Variants in BLNK observed in about 807,000 individuals in gnomAD.
The protein encoded by BLNK is B-cell linker protein.
Under a neutral mutation model 73.5 loss-of-function variants are expected in BLNK, and 29 were observed. The observed-to-expected ratio is 0.39, with a 90% CI of 0.29 to 0.54. BLNK has a LOEUF of 0.54. Among genes scored for constraint, BLNK ranks in the 20% least tolerant of loss-of-function variants. The pLI is 0.61. For missense variants in BLNK, 460 were observed against 562.8 expected, an observed-to-expected ratio of 0.82 and a Z score of 1.85; for synonymous variants, 176 against 200.8, an observed-to-expected ratio of 0.88 and a Z score of 1.04.
At chr10:96,249,709 G>C (rs11188679) in intron 1 of BLNK, among the ~76,000 whole-genome samples, 115,543 of 152,164 alleles carry the variant, frequency 0.76, 45,734 homozygotes, top group Non-Finnish European at 0.88. Context: ...GATGGCAGGG[G>C]GTGGTAGCCC....
At chr10:96,224,247 G>A (rs1554901938) in intron 5 of BLNK, among the ~76,000 whole-genome samples, 1 of 152,204 alleles carries the variant, frequency 6.6e-6, no homozygotes, top group African/African-American at 2.4e-5. Flanking sequence ...CAGAGGTTCA[G>A]GAGAACCAAC....
chr10:96,269,258 G>C (rs1228606842), intron 1 of BLNK, among the ~76,000 whole-genome samples: 1 of 152,136 alleles, frequency 6.6e-6, no homozygotes, highest in African/African-American at 2.4e-5. Context: ...ATCTATGGTT[G>C]TATATTGCCC....
intron 1 of BLNK, among the ~76,000 whole-genome samples, chr10:96,250,048 G>A (rs1350876775): frequency 1.3e-5 from 2 of 152,192 alleles, no homozygotes; most frequent in Admixed American, 1.3e-4. Context: ...CAGGGGTCTG[G>A]TGCCAAGTCA....
At position 96,215,411 on chromosome 10, in the gene BLNK, G is replaced by GTATATA. The variant is rs3835127; in HGVS notation, c.608-28_608-23dup. ...GGAGCTTAAACACAGAAATGTGTGT[G>GTATATA]TATATATATATATATATATACATAA... On this transcript the variant is annotated intron_variant, in intron 7 of 16. Coordinates refer to ENST00000224337, the MANE Select transcript of BLNK (RefSeq NM_013314.4). 3.8e-5 allele frequency: 53 copies of GTATATA among 1,402,484 alleles called. No individual in the cohort carries two copies. The African/African-American group carries it at 6.4e-4, about 17-fold the overall frequency. 86.9% of individuals were successfully genotyped at this position (1,402,484 alleles called of 1,614,324 possible).
chr10:96,251,941 G>A (rs563725109), intron 1 of BLNK, among the ~76,000 whole-genome samples: 1 of 152,106 alleles, frequency 6.6e-6, no homozygotes, highest in Non-Finnish European at 1.5e-5. Context: ...TTTAGAATCC[G>A]ATAGATCTCA....
rs2083338979 is a variant in BLNK at position 96,192,029 on chromosome 10, T to C, written c.1315A>G (p.Ser439Gly). Residue 439 changes from serine (S) to glycine (G), a missense_variant, in exon 17 of 17, where the codon AGT (serine) becomes GGT (glycine). By Grantham distance (56) the Ser-to-Gly change is moderately conservative (BLOSUM62 0). This residue lies in a region of BLNK where 88 missense variants were observed against 143.4 expected (regional missense o/e 0.61). Transcript: ENST00000224337. ...GTGGAATCTTTTGTGTTATTCTGAC[T>C]GTCAATAAGAACCAAAGGACTATGT... ...HQHSPLVLID[S>G]QNNTKDSTRL... 1.9e-6 allele frequency: 3 copies of C among 1,613,808 alleles called. No homozygotes were observed. The highest frequency in any genetic ancestry group is 2.5e-6 in the Non-Finnish European group (3 of 1,179,800).
intron 10 of BLNK, 139 bp from the exon 11 acceptor site, chr10:96,207,192 A>G: frequency 1.3e-6 from 1 of 795,110 alleles, no homozygotes; most frequent in Admixed American, 2.2e-5. Flanking sequence ...AACAACAATT[A>G]CAAACCCACA....
chr10:96,229,375 A>G (rs1554903514), intron 4 of BLNK, among the ~76,000 whole-genome samples: 1 of 152,142 alleles, frequency 6.6e-6, no homozygotes, highest in Non-Finnish European at 1.5e-5. Flanking sequence ...GAAATTCTGG[A>G]GGCTTTATTA....
At chr10:96,227,631 A>T in intron 4 of BLNK, 65 bp from the exon 5 acceptor site, 1 of 1,608,772 alleles carries the variant, frequency 6.2e-7, no homozygotes, top group Non-Finnish European at 8.5e-7. Flanking sequence ...CGTCAGGACC[A>T]TTCCTGCCTT....
chr10:96,239,519 G>A (rs1047830218), intron 3 of BLNK, among the ~76,000 whole-genome samples: 4 of 152,190 alleles, frequency 2.6e-5, no homozygotes, highest in Non-Finnish European at 5.9e-5. Flanking sequence ...CAATTTTCTG[G>A]TGGAAGTTGA....
At chr10:96,217,752 T>C (rs1006706191) in intron 6 of BLNK, among the ~76,000 whole-genome samples, 1 of 152,232 alleles carries the variant, frequency 6.6e-6, no homozygotes, top group African/African-American at 2.4e-5. Context: ...ATTCTGTAGG[T>C]TACTTTTTTA....
Position 96,230,123 on chromosome 10 carries a change from GT to G in BLNK, c.204+670del, listed in dbSNP as rs138056232. 6.1e-3 allele frequency among the ~76,000 whole-genome samples: 932 copies of G among 152,290 alleles called. 11 individuals carry two copies. Among genetic ancestry groups the G allele is most frequent in the African/African-American group, 0.021 (869 of 41,568 alleles). The stretch of plus-strand genomic sequence containing the variant: ...TGAGGAATAATTATTGTGAAGAAAA[GT>G]TTTTAGGATGTCAGGCCTTGCACAT... On this transcript the variant is annotated intron_variant, in intron 4 of 16. Coordinates refer to ENST00000224337, the MANE Select transcript of BLNK (RefSeq NM_013314.4).
At chr10:96,244,677 C>G (rs781853648) in intron 2 of BLNK, among the ~76,000 whole-genome samples, 1 of 152,124 alleles carries the variant, frequency 6.6e-6, no homozygotes, top group African/African-American at 2.4e-5. Context: ...TGACGTCACC[C>G]GGGGTAATGA....
chr10:96,201,004 G>A lies in BLNK; in HGVS notation c.989C>T (p.Ser330Phe), dbSNP rs1412711023. 2 of 1,614,018 alleles carry A rather than the reference G, an allele frequency of 1.2e-6. No individual in the cohort carries two copies. The highest frequency in any genetic ancestry group is 1.7e-5 in the Admixed American group (1 of 60,012). The change falls in exon 14 of 17, where the codon TCT becomes TTT. Residue 330 changes from serine to phenylalanine, a missense_variant. Ser to Phe is a radical substitution (Grantham distance 155, BLOSUM62 -2). Around this residue, in one of 3 missense-constraint regions of BLNK, gnomAD observed 233 missense variants for 232.1 expected, o/e 1.00. Coordinates refer to ENST00000224337, the MANE Select transcript of BLNK (RefSeq NM_013314.4). ...TVDGPLPSFS[S>F]NSTISEQEAG... ...TACCTGTTCTGAAATAGTGGAATTA[G>A]ATGAAAAGCTGGGTAGGGGCCCATC...
chr10:96,227,696 C>T, intron 4 of BLNK, 130 bp from the exon 5 acceptor site: 1 of 1,420,976 alleles, frequency 7.0e-7, no homozygotes, highest in Non-Finnish European at 9.8e-7. Flanking sequence ...CTTCAAAAGG[C>T]TAGGCAGCCG....
chr10:96,227,309 C>A, intron 5 of BLNK, 101 bp downstream of exon 5: 3 of 1,501,624 alleles, frequency 2.0e-6, no homozygotes, highest in Non-Finnish European at 1.8e-6. Context: ...GGCAGAGGCC[C>A]TCAAGCAGCA....
At chr10:96,240,224 G>T (rs114459382) in intron 3 of BLNK, among the ~76,000 whole-genome samples, 2,111 of 152,208 alleles carry the variant, frequency 0.014, 47 homozygotes, top group African/African-American at 0.047. Context: ...GTTGTATGTT[G>T]TTCCCCACTC....
intron 1 of BLNK, among the ~76,000 whole-genome samples, chr10:96,262,567 C>A (rs1350356335): frequency 1.3e-5 from 2 of 152,194 alleles, no homozygotes; most frequent in African/African-American, 4.8e-5. Flanking sequence ...TTCAGTAAGA[C>A]AAAAACACCT....
intron 7 of BLNK, 85 bp from the exon 8 acceptor site, chr10:96,215,474 C>G: frequency 2.3e-6 from 3 of 1,317,918 alleles, no homozygotes; most frequent in Non-Finnish European, 3.1e-6. Context: ...AAAATTCACA[C>G]TCAGGGAAAA....
Sources: allele counts gnomAD v4.1 joint callset (sites outside exome capture counted in the v4.1 genomes callset), GRCh38; gene constraint gnomAD v4.1.1; regional missense constraint gnomAD v4.1.1; transcripts MANE v1.5; gene names NCBI Gene and HGNC (gene_info 2026-07-23, HGNC 2026-07-21).